Variants in MTHFD2L observed in about 807,000 individuals in gnomAD.
MTHFD2L encodes bifunctional methylenetetrahydrofolate dehydrogenase/cyclohydrolase 2, mitochondrial.
MTHFD2L carries 29 observed loss-of-function variants against 34.9 expected under a neutral mutation model. The observed-to-expected ratio is 0.83, with a 90% CI of 0.62 to 1.13. MTHFD2L has a LOEUF of 1.13. Ranked by LOEUF, MTHFD2L falls within the 50% of genes most tolerant of loss-of-function variation. The pLI, the probability that MTHFD2L is intolerant of heterozygous loss-of-function variation, is 0.00. For synonymous variants in MTHFD2L, 167 were observed against 155.7 expected (o/e 1.07, Z -0.54); for missense variants, 481 against 446.5 (o/e 1.08, Z -0.70).
chr4:74,254,932 C>T (rs564874194), intron 6 of MTHFD2L, among the ~76,000 whole-genome samples: 30 of 151,886 alleles, frequency 2.0e-4, no homozygotes, highest in Non-Finnish European at 3.4e-4. Context: ...GGCAGGAGTT[C>T]GAGACCAGCC....
At position 74,289,972 on chromosome 4, in the gene MTHFD2L, A is replaced by C. The variant is rs369728412; in HGVS notation, c.931+8422A>C. On this transcript the variant is annotated intron_variant, in intron 7 of 7. Transcript: ENST00000325278. ...CCTGGTAGAGGGAACAAAGAATCAA[A>C]GGAAAGGAGGCAACATTACAAAAGG... Among the ~76,000 whole-genome samples, 6 of 152,312 alleles carry C rather than the reference A, an allele frequency of 3.9e-5. No individual in the cohort carries two copies. In the East Asian group the frequency reaches 1.2e-3, roughly 29 times the overall value.
upstream of MTHFD2L, among the ~76,000 whole-genome samples, chr4:74,120,305 C>G (rs1023636699): frequency 6.6e-6 from 1 of 152,218 alleles, no homozygotes; most frequent in Admixed American, 6.5e-5. Context: ...GTACATGATT[C>G]AGGTTGATGA....
chr4:74,184,665 T>C (rs1730805072), intron 3 of MTHFD2L, among the ~76,000 whole-genome samples: 1 of 152,058 alleles, frequency 6.6e-6, no homozygotes, highest in Non-Finnish European at 1.5e-5. Flanking sequence ...TCAACCAATT[T>C]GACATAATTA....
In MTHFD2L at chr4:74,165,077, G is replaced by C. The variant is rs374831983; in HGVS notation, c.143+6796G>C. 292 of 604,802 alleles carry C rather than the reference G, an allele frequency of 4.8e-4. 2 individuals are homozygous for C. In the South Asian group the frequency reaches 0.02, roughly 41 times the overall value. The allele number at this position is 604,802 out of a possible 1,614,324, so 37.5% of individuals were successfully genotyped here. ...TGGCCAAACTAGCACATTTTTTAGA[G>C]TAAAAAGGGGCACGAATGTAATGAA... On this transcript the variant is annotated intron_variant, in intron 1 of 7. Coordinates refer to ENST00000325278, the MANE Select transcript of MTHFD2L (RefSeq NM_001144978.3).
chr4:74,251,758 A>G (rs1388932365), intron 6 of MTHFD2L, among the ~76,000 whole-genome samples: 1 of 151,938 alleles, frequency 6.6e-6, no homozygotes, highest in East Asian at 1.9e-4. Context: ...TAGCTATCTG[A>G]CTCTCTTTTG....
chr4:74,208,722 C>A (rs935066438), intron 5 of MTHFD2L, among the ~76,000 whole-genome samples: 1 of 152,168 alleles, frequency 6.6e-6, no homozygotes, highest in African/African-American at 2.4e-5. Flanking sequence ...ACAGGAAAGG[C>A]CAGGCTCCTA....
intron 3 of MTHFD2L, among the ~76,000 whole-genome samples, chr4:74,191,388 G>T (rs60633195): frequency 0.022 from 3,386 of 150,672 alleles, 121 homozygotes; most frequent in African/African-American, 0.077. Flanking sequence ...TGTCCAGAAA[G>T]GAAGAAGTAA....
At chr4:74,243,723 C>T (rs772704779) in intron 6 of MTHFD2L, among the ~76,000 whole-genome samples, 3 of 152,060 alleles carry the variant, frequency 2.0e-5, no homozygotes, top group African/African-American at 4.8e-5. Flanking sequence ...TCATAAGCAC[C>T]TATAAATTCT....
At chr4:74,145,909 G>T (rs1723564916) in intron 1 of MTHFD2L, among the ~76,000 whole-genome samples, 1 of 152,076 alleles carries the variant, frequency 6.6e-6, no homozygotes, top group Non-Finnish European at 1.5e-5. Context: ...GGCCTCCCGA[G>T]AAGTCGAAGC....
At chr4:74,236,006 A>C (rs1048005315) in intron 6 of MTHFD2L, among the ~76,000 whole-genome samples, 2 of 152,178 alleles carry the variant, frequency 1.3e-5, no homozygotes, top group African/African-American at 4.8e-5. Flanking sequence ...TAAAAGATTA[A>C]ATTTAAACTT....
At chr4:74,280,627 A>C (rs890307685) in intron 6 of MTHFD2L, among the ~76,000 whole-genome samples, 1 of 128,586 alleles carries the variant, frequency 7.8e-6, no homozygotes, top group African/African-American at 3.9e-5. Context: ...TGGATTGTTC[A>C]ATGTTTTTTT....
upstream of MTHFD2L, among the ~76,000 whole-genome samples, chr4:74,154,361 T>A (rs893606282): frequency 5.3e-5 from 8 of 152,156 alleles, no homozygotes; most frequent in Non-Finnish European, 1.0e-4. Flanking sequence ...TATCATCAGT[T>A]CCCATTTAAG....
At chr4:74,241,034 G>C (rs1741626030) in intron 6 of MTHFD2L, among the ~76,000 whole-genome samples, 1 of 152,102 alleles carries the variant, frequency 6.6e-6, no homozygotes, top group Admixed American at 6.6e-5. Context: ...TAAAATAGAG[G>C]ATAATTTCGG....
intron 1 of MTHFD2L, among the ~76,000 whole-genome samples, chr4:74,173,738 A>G (rs961112386): frequency 1.3e-5 from 2 of 152,192 alleles, no homozygotes; most frequent in African/African-American, 4.8e-5. Context: ...CTGCCTCTTT[A>G]GAAAAAATAG....
chr4:74,147,866 T>C (rs1723691179), intron 1 of MTHFD2L, among the ~76,000 whole-genome samples: 1 of 152,234 alleles, frequency 6.6e-6, no homozygotes. Flanking sequence ...GTTTGGTTTT[T>C]GTTGAGCTAT....
At chr4:74,279,895 C>G (rs1157665272) in intron 6 of MTHFD2L, among the ~76,000 whole-genome samples, 2 of 152,066 alleles carry the variant, frequency 1.3e-5, no homozygotes, top group East Asian at 3.9e-4. Flanking sequence ...AGGAAGCTAT[C>G]CTACAGCTAT....
At chr4:74,295,877 G>T (rs1749568474) in intron 7 of MTHFD2L, among the ~76,000 whole-genome samples, 1 of 152,064 alleles carries the variant, frequency 6.6e-6, no homozygotes, top group African/African-American at 2.4e-5. Flanking sequence ...ATTCCACATG[G>T]AAAAACTCGG....
chr4:74,164,671 G>A (rs1258925847), intron 1 of MTHFD2L, among the ~76,000 whole-genome samples: 3 of 152,176 alleles, frequency 2.0e-5, no homozygotes, highest in Non-Finnish European at 4.4e-5. Flanking sequence ...TGAAGAAATT[G>A]CATGCCGTTG....
intron 6 of MTHFD2L, among the ~76,000 whole-genome samples, chr4:74,247,281 G>C (rs1467027968): frequency 6.6e-6 from 1 of 151,736 alleles, no homozygotes; most frequent in Non-Finnish European, 1.5e-5. Flanking sequence ...CTCTCTGTTT[G>C]TCTGTTATTG....
Sources: allele counts gnomAD v4.1 joint callset (sites outside exome capture counted in the v4.1 genomes callset), GRCh38; gene constraint gnomAD v4.1.1; transcripts MANE v1.5; gene names NCBI Gene and HGNC (gene_info 2026-07-23, HGNC 2026-07-21).